Variants in CCDC158 observed in about 807,000 individuals in gnomAD.
The protein encoded by CCDC158 is coiled-coil domain containing 158.
CCDC158 carries 116 observed loss-of-function variants against 138.6 expected under a neutral mutation model. The ratio of observed to expected loss-of-function variants is 0.84; its 90% confidence interval spans 0.72 to 0.98. CCDC158 has a LOEUF of 0.98. Ranked by LOEUF, CCDC158 falls within the 50% of genes least tolerant of loss-of-function variation. The pLI is 0.00. For synonymous variants in CCDC158, 436 were observed against 442.4 expected (o/e 0.99, Z 0.18); for missense variants, 1,265 against 1,306.1 (o/e 0.97, Z 0.48).
rs538470259 is a variant in CCDC158, at chr4:76,351,826, A to C, written c.2446-14T>G. The C allele has an allele frequency of 1.4e-5, 22 of 1,526,786 alleles. No individual in the cohort carries two copies. In the East Asian group the frequency reaches 4.1e-4, roughly 28 times the overall value. 94.6% of individuals were successfully genotyped at this position (1,526,786 alleles called of 1,614,324 possible). A position where few individuals can be genotyped will look rare whatever the true frequency, so the allele number is the denominator to read the frequency against. On this transcript the variant is annotated splice_polypyrimidine_tract_variant and intron_variant, in intron 16 of 24. Coordinates refer to ENST00000682701, the MANE Select transcript of CCDC158 (RefSeq NM_001394954.1). ...CTGCAAAGATGCCTACAAATGGAGC[A>C]ATCATAAATGGTTTATCTTGCATTC... is the stretch of plus-strand genomic sequence containing the variant.
At chr4:76,333,410 ACT>A (rs1721178756) in intron 19 of CCDC158, among the ~76,000 whole-genome samples, 1 of 152,180 alleles carries the variant, frequency 6.6e-6, no homozygotes, top group Non-Finnish European at 1.5e-5. Flanking sequence ...AGTAAAACCC[ACT>A]CTCTGAAAGA....
intron 1 of CCDC158, among the ~76,000 whole-genome samples, chr4:76,420,494 G>T (rs1294969745): frequency 6.6e-6 from 1 of 152,204 alleles, no homozygotes; most frequent in Non-Finnish European, 1.5e-5. Flanking sequence ...TGCTGATAAT[G>T]AGGGAAAGCT....
At chr4:76,398,384 TG>T (rs1031376206) in intron 3 of CCDC158, among the ~76,000 whole-genome samples, 2 of 152,106 alleles carry the variant, frequency 1.3e-5, no homozygotes, top group African/African-American at 4.8e-5. Context: ...ATATATCACT[TG>T]GCCGGGCGTG....
chr4:76,384,703 G>T (rs755463423), intron 4 of CCDC158, 38 bp from the exon 5 acceptor site: 11 of 1,388,744 alleles, frequency 7.9e-6, no homozygotes, highest in Non-Finnish European at 1.0e-5. Flanking sequence ...CTTCATTAGA[G>T]AAACACATTT....
In CCDC158 at chr4:76,369,424, AC is replaced by A. The variant is rs1433206829; in HGVS notation, c.1347+1del. The A allele has an allele frequency of 6.8e-6, 11 of 1,613,510 alleles. No homozygotes were observed. Among genetic ancestry groups the A allele is most frequent in the Non-Finnish European group, 9.3e-6 (11 of 1,179,904 alleles). ...GATGGCACAGCCTGTGCAGGCACTG[AC>A]CTGCCGCTCCATCTGGCCCTGACAC... is the stretch of plus-strand genomic sequence containing the variant. On this transcript the variant is annotated splice_donor_variant, in intron 11 of 24. Coordinates refer to ENST00000682701, the MANE Select transcript of CCDC158 (RefSeq NM_001394954.1). LOFTEE classifies it high-confidence loss of function.
intron 13 of CCDC158, 66 bp downstream of exon 13, chr4:76,362,059 AG>A: frequency 1.5e-6 from 2 of 1,307,226 alleles, no homozygotes; most frequent in Non-Finnish European, 2.2e-6. Context: ...CAATTGTGCT[AG>A]GGTCTACATT....
chr4:76,415,495 G>A (rs536255433), intron 1 of CCDC158, among the ~76,000 whole-genome samples: 1 of 152,070 alleles, frequency 6.6e-6, no homozygotes, highest in Non-Finnish European at 1.5e-5. Context: ...GCAAGAGACC[G>A]AGGGCATGAG....
Position 76,331,788 on chromosome 4 carries a change from A to G in CCDC158, c.2883-385T>C, listed in dbSNP as rs545910552. Among the ~76,000 whole-genome samples the G allele has an allele frequency of 5.3e-5, 8 of 152,318 alleles. No homozygotes were observed. The East Asian group carries it at 5.8e-4, about 11-fold the overall frequency. ...TGTGACCACTCTGGGAGATTCTTCA[A>G]TGTCAGACTGAGGGACATGTACTTA... On this transcript the variant is annotated intron_variant, in intron 20 of 24. Coordinates refer to ENST00000682701, the MANE Select transcript of CCDC158 (RefSeq NM_001394954.1).
chr4:76,391,602 A>T (rs1727315841), intron 4 of CCDC158, among the ~76,000 whole-genome samples: 1 of 151,746 alleles, frequency 6.6e-6, no homozygotes, highest in Non-Finnish European at 1.5e-5. Context: ...TAAACAATTT[A>T]AATGATGTAT....
At position 76,383,955 on chromosome 4, in the gene CCDC158, T is replaced by A. The variant is rs28629374; in HGVS notation, c.726+133A>T. On this transcript the variant is annotated intron_variant, in intron 6 of 24. Coordinates refer to ENST00000682701, the MANE Select transcript of CCDC158 (RefSeq NM_001394954.1). Reference sequence around the variant, plus strand: ...TAGTTCCTATTATGAGAGATTACTGTGGAAGTAACTTCTGTTATTTCAGAA... The same window carrying A: ...TAGTTCCTATTATGAGAGATTACTGAGGAAGTAACTTCTGTTATTTCAGAA... 8.6e-3 allele frequency: 6,499 copies of A among 756,428 alleles called. 298 individuals carry two copies. In the African/African-American group the frequency reaches 0.1, roughly 12 times the overall value. The allele number at this position is 756,428 out of a possible 1,614,324, so 46.9% of individuals were successfully genotyped here. A position where few individuals can be genotyped will look rare whatever the true frequency, so the allele number is the denominator to read the frequency against.
At chr4:76,398,340 G>A (rs1037334244) in intron 3 of CCDC158, among the ~76,000 whole-genome samples, 2 of 152,092 alleles carry the variant, frequency 1.3e-5, no homozygotes, top group African/African-American at 4.8e-5. Context: ...GTGGGATGTG[G>A]CATTATGTGT....
chr4:76,336,147 A>G (rs1721470144), intron 18 of CCDC158, among the ~76,000 whole-genome samples: 2 of 120,318 alleles, frequency 1.7e-5, no homozygotes, highest in South Asian at 5.7e-4. Context: ...GTGCCATTGC[A>G]CTCCAGCCTG....
chr4:76,416,487 C>T (rs1434337396), intron 1 of CCDC158, among the ~76,000 whole-genome samples: 10 of 152,192 alleles, frequency 6.6e-5, no homozygotes, highest in African/African-American at 2.2e-4. Context: ...GGGAAAATGT[C>T]TCCAGGCCAT....
Position 76,382,632 on chromosome 4 carries a change from G to T in CCDC158, c.892C>A (p.Gln298Lys), listed in dbSNP as rs1178639979. The T allele has an allele frequency of 6.2e-7, 1 of 1,610,306 alleles. No homozygotes were observed. ...TACTGAATGATTTCCATTTGACTCT[G>T]GATACTATTGGCTTGGCTTCGAGCA... The part of the protein sequence containing the change: ...SSARSQANSI[Q>K]SQMEIIQEQA... The change falls in exon 8 of 25, where the codon CAG becomes AAG. Residue 298 changes from glutamine (Q) to lysine (K), a missense_variant. Transcript: ENST00000682701.
At chr4:76,337,167 T>C (rs1721595177) in intron 18 of CCDC158, among the ~76,000 whole-genome samples, 1 of 152,050 alleles carries the variant, frequency 6.6e-6, no homozygotes, top group Non-Finnish European at 1.5e-5. Flanking sequence ...TTTTTGTATT[T>C]TTTGGAGAGA....
intron 4 of CCDC158, among the ~76,000 whole-genome samples, chr4:76,394,297 A>C (rs938735886): frequency 3.3e-5 from 5 of 152,294 alleles, no homozygotes; most frequent in Non-Finnish European, 7.4e-5. Flanking sequence ...ACTGTTTGCC[A>C]TAATAAAGAA....
chr4:76,349,199 A>T (rs1022723664), intron 18 of CCDC158, among the ~76,000 whole-genome samples: 4 of 152,228 alleles, frequency 2.6e-5, no homozygotes, highest in African/African-American at 9.6e-5. Context: ...TATATGCTAG[A>T]CACTGTTATA....
At chr4:76,320,459 A>G (rs1385027160) in intron 24 of CCDC158, among the ~76,000 whole-genome samples, 1 of 152,184 alleles carries the variant, frequency 6.6e-6, no homozygotes, top group Non-Finnish European at 1.5e-5. Flanking sequence ...TTCATAAGGA[A>G]CAAAAAAAAG....
rs190874270 is a variant in CCDC158 at position 76,325,908 on chromosome 4, T to C, written c.3118A>G (p.Thr1040Ala). Residue 1040 changes from threonine (T) to alanine (A), a missense_variant, in exon 23 of 25, where the codon ACA (threonine) becomes GCA (alanine). By Grantham distance (58) the Thr-to-Ala change is moderately conservative (BLOSUM62 0). Transcript: ENST00000682701. ...GGTTTGGCAGATCTATACTGTGATG[T>C]GGAACCTATTGAACCTTCAACTGAA... ...TSSVEGSIGS[T>A]SQYRSAKPIH... 5.6e-4 allele frequency: 905 copies of C among 1,613,812 alleles called. 6 individuals carry two copies. The African/African-American group carries it at 0.01, about 18-fold the overall frequency.
Sources: gnomAD v4.1 joint callset for allele counts (sites outside exome capture counted in the v4.1 genomes callset) on GRCh38, gnomAD v4.1.1 for gene constraint, MANE v1.5 for transcripts, NCBI Gene and HGNC (gene_info 2026-07-23, HGNC 2026-07-21) for gene names.